Variants in GPC5 observed in about 807,000 individuals in gnomAD.
GPC5 encodes glypican 5.
Under a neutral mutation model 53.9 loss-of-function variants are expected in GPC5, and 47 were observed. The ratio of observed to expected loss-of-function variants is 0.87; its 90% CI spans 0.69 to 1.11. GPC5 has a LOEUF of 1.11. GPC5 is among the 50% of genes most tolerant of loss of function. The probability of loss-of-function intolerance (pLI) is 0.00; values close to 1 mark genes in which losing one functional copy is unlikely to be tolerated. For missense variants in GPC5, 748 were observed against 713.1 expected (o/e 1.05, Z -0.56); for synonymous variants, 286 against 263.3 (o/e 1.09, Z -0.84).
intron 6 of GPC5, among the ~76,000 whole-genome samples, chr13:92,076,577 T>TTTA (rs1555308906): frequency 2.0e-5 from 3 of 151,888 alleles, no homozygotes; most frequent in Non-Finnish European, 4.4e-5. Context: ...TTTTTTTTTT[T>TTTA]ATCTTGCCCA....
chr13:91,638,424 G>A (rs1031994805), intron 2 of GPC5, among the ~76,000 whole-genome samples: 7 of 150,802 alleles, frequency 4.6e-5, no homozygotes, highest in Non-Finnish European at 1.0e-4. Flanking sequence ...GGAGTGCAAC[G>A]GTGTGACCTC....
intron 7 of GPC5, among the ~76,000 whole-genome samples, chr13:92,263,906 T>C (rs566082057): frequency 6.6e-6 from 1 of 152,258 alleles, no homozygotes; most frequent in Admixed American, 6.5e-5. Context: ...ATTGCTGCGA[T>C]AATTTCACAG....
intron 7 of GPC5, among the ~76,000 whole-genome samples, chr13:92,801,110 G>A (rs1005689798): frequency 1.3e-5 from 2 of 151,688 alleles, no homozygotes; most frequent in African/African-American, 4.8e-5. Context: ...AACAAAATAT[G>A]TGTGTGTATG....
intron 6 of GPC5, among the ~76,000 whole-genome samples, chr13:92,013,567 C>T (rs532117919): frequency 5.3e-5 from 8 of 152,218 alleles, no homozygotes; most frequent in Admixed American, 2.0e-4. Context: ...TGGGAGAGAG[C>T]GAGCAAACAG....
chr13:92,128,867 G>A (rs763816241), intron 6 of GPC5, among the ~76,000 whole-genome samples: 49 of 152,170 alleles, frequency 3.2e-4, no homozygotes, highest in Non-Finnish European at 6.2e-4. Context: ...GGAGGCTGAG[G>A]CAGAAGAATT....
intron 6 of GPC5, among the ~76,000 whole-genome samples, chr13:91,953,904 G>A (rs2040049598): frequency 6.6e-6 from 1 of 152,066 alleles, no homozygotes; most frequent in Non-Finnish European, 1.5e-5. Flanking sequence ...TGGTGGTTTG[G>A]ATTTTACAAT....
chr13:91,763,599 T>C (rs186984344), intron 5 of GPC5, among the ~76,000 whole-genome samples: 18 of 152,334 alleles, frequency 1.2e-4, no homozygotes, highest in Admixed American at 1.0e-3. Flanking sequence ...TTACACATTC[T>C]AGGTTCAATT....
chr13:91,894,892 A>C (rs530525658), intron 5 of GPC5, among the ~76,000 whole-genome samples: 2 of 152,186 alleles, frequency 1.3e-5, no homozygotes, highest in Non-Finnish European at 2.9e-5. Flanking sequence ...TCAGAGACGG[A>C]ATGTTAATTT....
chr13:92,223,511 C>T (rs1167385995), intron 7 of GPC5, among the ~76,000 whole-genome samples: 1 of 152,116 alleles, frequency 6.6e-6, no homozygotes, highest in Admixed American at 6.6e-5. Context: ...TTGCTTTACT[C>T]ACCATTTGTT....
At chr13:91,637,179 C>T (rs1327772760) in intron 2 of GPC5, among the ~76,000 whole-genome samples, 1 of 152,064 alleles carries the variant, frequency 6.6e-6, no homozygotes, top group African/African-American at 2.4e-5. Flanking sequence ...TCATAGGAAA[C>T]CTTCTTACCT....
At chr13:91,674,615 G>A (rs1034203716) in intron 2 of GPC5, among the ~76,000 whole-genome samples, 1 of 146,376 alleles carries the variant, frequency 6.8e-6, no homozygotes, top group Non-Finnish European at 1.5e-5. Flanking sequence ...ATGCGTATGT[G>A]TATATATACG....
chr13:92,294,292 G>A (rs906821854), intron 7 of GPC5, among the ~76,000 whole-genome samples: 1 of 152,100 alleles, frequency 6.6e-6, no homozygotes, highest in Admixed American at 6.5e-5. Flanking sequence ...TGAATGTCTG[G>A]TAGAATTCAA....
At chr13:92,717,482 A>G (rs1888370669) in intron 7 of GPC5, among the ~76,000 whole-genome samples, 1 of 152,200 alleles carries the variant, frequency 6.6e-6, no homozygotes, top group African/African-American at 2.4e-5. Context: ...TTTATCAAAA[A>G]CAAACTCTCA....
At chr13:91,433,043 C>T (rs1228035136) in intron 1 of GPC5, among the ~76,000 whole-genome samples, 1 of 152,068 alleles carries the variant, frequency 6.6e-6, no homozygotes, top group Non-Finnish European at 1.5e-5. Flanking sequence ...AAAGGTGGTT[C>T]TTATCCTATT....
chr13:91,831,626 T>G (rs1316603904), intron 5 of GPC5, among the ~76,000 whole-genome samples: 3 of 151,972 alleles, frequency 2.0e-5, no homozygotes, highest in African/African-American at 7.2e-5. Flanking sequence ...AATTATATAG[T>G]GTTGGTTCTG....
chr13:92,810,205 T>C (rs2138797533), intron 7 of GPC5, among the ~76,000 whole-genome samples: 1 of 150,420 alleles, frequency 6.6e-6, no homozygotes, highest in South Asian at 2.1e-4. Context: ...AAAGTTGTGC[T>C]TTTATTAATC....
chr13:92,067,766 C>T (rs2138861038), intron 6 of GPC5, among the ~76,000 whole-genome samples: 1 of 152,114 alleles, frequency 6.6e-6, no homozygotes, highest in Admixed American at 6.5e-5. Context: ...GTCTCCATCT[C>T]ACACATGTAT....
chr13:92,634,696 T>C lies in GPC5; in HGVS notation c.1562-231586T>C, dbSNP rs149867115. ...ATTTTGTGTACCTGGGGTATACATT[T>C]TTATTCCCCCATATATATCCTTTTC... is the stretch of plus-strand genomic sequence containing the variant. On this transcript the variant is annotated intron_variant, in intron 7 of 7. Transcript: ENST00000377067. Among the ~76,000 whole-genome samples the C allele has an allele frequency of 3.4e-4, 51 of 152,154 alleles. 1 individual carries two copies. The East Asian group carries it at 9.9e-3, about 29-fold the overall frequency.
intron 7 of GPC5, among the ~76,000 whole-genome samples, chr13:92,584,270 G>C (rs1348715017): frequency 1.3e-5 from 2 of 152,170 alleles, no homozygotes; most frequent in Admixed American, 1.3e-4. Context: ...CCAAAAGCCT[G>C]ATAGTGATAT....
Sources: allele counts gnomAD v4.1 joint callset (sites outside exome capture counted in the v4.1 genomes callset), GRCh38; gene constraint gnomAD v4.1.1; transcripts MANE v1.5; gene names NCBI Gene and HGNC (gene_info 2026-07-23, HGNC 2026-07-21).